Variants in SRGN observed in about 807,000 individuals in gnomAD.
The protein encoded by SRGN is hematopoetic proteoglycan core peptide.
A neutral mutation model predicts 9.5 loss-of-function variants in SRGN; 2 were observed. The observed-to-expected ratio is 0.21, with a 90% CI of 0.09 to 0.66. SRGN has a LOEUF of 0.66. Ranked by LOEUF, SRGN falls within the 30% of genes least tolerant of loss-of-function variation. The pLI is 0.83. For synonymous variants in SRGN, 59 were observed against 72.3 expected (o/e 0.82, Z 0.93); for missense variants, 170 against 192.4 (o/e 0.88, Z 0.69).
chr10:69,089,166 C>A (rs138622429), intron 1 of SRGN, among the ~76,000 whole-genome samples: 1 of 152,094 alleles, frequency 6.6e-6, no homozygotes, highest in Non-Finnish European at 1.5e-5. Flanking sequence ...ATCTTACTTC[C>A]GGTGGAGATG....
chr10:69,094,186 A>T (rs1263179465), intron 1 of SRGN, among the ~76,000 whole-genome samples: 1 of 152,226 alleles, frequency 6.6e-6, no homozygotes, highest in Non-Finnish European at 1.5e-5. Context: ...GCAGACATTG[A>T]AAGGTCATTT....
At position 69,088,211 on chromosome 10, in the gene SRGN, C is replaced by T. The variant is rs779215732; in HGVS notation, c.54C>T (p.Ile18=). ...CSRLVLALAL[I]LVLESSVQGY... is the part of the protein sequence containing the mutation. ...GGCTTGTCCTGGCTCTTGCCCTCAT[C>T]CTGGTTCTGGAATCCTCAGTTCAAG... Residue 18 remains isoleucine (I), a synonymous_variant, in exon 1 of 3, where the codon ATC becomes ATT. Transcript: ENST00000242465. 4 of 1,614,048 alleles carry T rather than the reference C, an allele frequency of 2.5e-6. No homozygotes were observed. The highest frequency in any genetic ancestry group is 3.4e-6 in the Non-Finnish European group (4 of 1,180,032).
At position 69,104,342 on chromosome 10, in the gene SRGN, T is replaced by C; in HGVS notation, c.*222T>C. 7.1e-6 allele frequency: 3 copies of C among 422,598 alleles called. No individual in the cohort carries two copies. The highest frequency in any genetic ancestry group is 1.0e-4 in the East Asian group (2 of 20,016). 26.2% of individuals were successfully genotyped at this position (422,598 alleles called of 1,614,324 possible). On this transcript the variant is annotated 3_prime_UTR_variant, in exon 3 of 3. Coordinates refer to ENST00000242465, the MANE Select transcript of SRGN (RefSeq NM_002727.4). ...TCTTGAAAATACCTGCATTTTTTGG[T>C]ATCATGTTCAACCAACATCATTATG... is the stretch of plus-strand genomic sequence containing the variant.
At chr10:69,102,174 T>G (rs142129644) in intron 2 of SRGN, among the ~76,000 whole-genome samples, 1 of 152,160 alleles carries the variant, frequency 6.6e-6, no homozygotes, top group African/African-American at 2.4e-5. Context: ...GTATTTAACA[T>G]GTTGGTGTGA....
intron 2 of SRGN, among the ~76,000 whole-genome samples, chr10:69,103,159 C>T (rs1293764009): frequency 1.3e-5 from 2 of 152,058 alleles, no homozygotes; most frequent in East Asian, 1.9e-4. Context: ...AGGCTGGTTT[C>T]GAACTCCTGA....
At chr10:69,091,913 A>AT in intron 1 of SRGN, among the ~76,000 whole-genome samples, 1 of 79,162 alleles carries the variant, frequency 1.3e-5, no homozygotes, top group African/African-American at 3.2e-5. Flanking sequence ...AAAAAAGAAA[A>AT]AGAAAAGAAA....
intron 1 of SRGN, among the ~76,000 whole-genome samples, chr10:69,089,261 AAAGAGCAAGT>A (rs1161998354): frequency 7.2e-5 from 11 of 152,240 alleles, no homozygotes; most frequent in Non-Finnish European, 1.5e-4. Context: ...AATGCTGAAA[AAAGAGCAAGT>A]AATGTTTCTG....
chr10:69,088,082 A>T, upstream of SRGN: 1 of 1,271,328 alleles, frequency 7.9e-7, no homozygotes, highest in Non-Finnish European at 1.1e-6. Context: ...ATTTTCTAAA[A>T]GGGACAGAGA....
At chr10:69,088,715 C>T (rs1589324283) in intron 1 of SRGN, among the ~76,000 whole-genome samples, 1 of 143,878 alleles carries the variant, frequency 7.0e-6, no homozygotes, top group Non-Finnish European at 1.5e-5. Context: ...ATTTTCTTTT[C>T]TTTTTTTTTT....
chr10:69,097,282 C>T (rs750854126), intron 2 of SRGN, 51 bp downstream of exon 2: 1 of 1,505,990 alleles, frequency 6.6e-7, no homozygotes, highest in African/African-American at 1.4e-5. Context: ...TTATTTGAGA[C>T]GGAGTTTCAC....
rs113748429 is a variant in SRGN at position 69,102,049 on chromosome 10, T to TA, written c.228-1811dup. 6.5e-4 allele frequency among the ~76,000 whole-genome samples: 95 copies of TA among 146,548 alleles called. 1 individual carries two copies. The South Asian group carries it at 0.011, about 17-fold the overall frequency. On this transcript the variant is annotated intron_variant, in intron 2 of 2. Transcript: ENST00000242465. Reference sequence around the variant, plus strand: ...GCACAACAGAAGGAGGCCCTTTCTGTAAAAAAAAAAATGGTTGACCACTCC... The same window carrying TA: ...GCACAACAGAAGGAGGCCCTTTCTGTAAAAAAAAAAAATGGTTGACCACTCC...
chr10:69,087,990 T>G, upstream of SRGN: 91 of 562,796 alleles, frequency 1.6e-4, no homozygotes, highest in East Asian at 4.2e-4. Flanking sequence ...CCCCCTTTCT[T>G]TCTGGGTTTT....
chr10:69,092,317 T>G (rs1840080545), intron 1 of SRGN, among the ~76,000 whole-genome samples: 1 of 152,240 alleles, frequency 6.6e-6, no homozygotes, highest in Non-Finnish European at 1.5e-5. Context: ...TGAATAGCTA[T>G]GTCAAGAATT....
intron 1 of SRGN, among the ~76,000 whole-genome samples, chr10:69,089,391 G>A (rs1269864386): frequency 4.6e-5 from 7 of 152,104 alleles, no homozygotes; most frequent in East Asian, 1.9e-4. Flanking sequence ...AATAATTCCC[G>A]AATAGCCAAG....
Position 69,104,244 on chromosome 10 carries a change from A to C in SRGN, c.*124A>C, listed in dbSNP as rs1038977108. The C allele has an allele frequency of 1.6e-6, 2 of 1,268,484 alleles. No individual in the cohort carries two copies. The highest frequency in any genetic ancestry group is 2.2e-6 in the Non-Finnish European group (2 of 926,968). The allele number at this position is 1,268,484 out of a possible 1,614,324, so 78.6% of individuals were successfully genotyped here. A position where few individuals can be genotyped will look rare whatever the true frequency, so the allele number is the denominator to read the frequency against. On this transcript the variant is annotated 3_prime_UTR_variant, in exon 3 of 3. Coordinates refer to ENST00000242465, the MANE Select transcript of SRGN (RefSeq NM_002727.4). ...TTTTAAACATCTGAAAAAGAAGCTT[A>C]AGTTTTATCATCCTTTTTTTTCTCA...
rs772707676 is a variant in SRGN at position 69,101,457 on chromosome 10, A to T, written c.228-2414A>T. ...TGTGGCTGGTATCCTTTTCCCATGC[A>T]TCTTCTCCAGGACTTCCATTCTGCA... On this transcript the variant is annotated intron_variant, in intron 2 of 2. Coordinates refer to ENST00000242465, the MANE Select transcript of SRGN (RefSeq NM_002727.4). Among the ~76,000 whole-genome samples, 3 of 152,068 alleles carry T rather than the reference A, an allele frequency of 2.0e-5. No homozygotes were observed. The South Asian group carries it at 6.2e-4, about 32-fold the overall frequency.
chr10:69,101,217 G>A (rs749215758), intron 2 of SRGN, among the ~76,000 whole-genome samples: 10 of 152,060 alleles, frequency 6.6e-5, no homozygotes, highest in African/African-American at 1.4e-4. Context: ...TGCCTGCCTC[G>A]TCCTCCCAAA....
intron 2 of SRGN, among the ~76,000 whole-genome samples, chr10:69,098,294 CATT>C (rs2132158704): frequency 6.6e-6 from 1 of 152,240 alleles, no homozygotes; most frequent in African/African-American, 2.4e-5. Flanking sequence ...ACCTTGGAAA[CATT>C]ATGCAGAGTG....
chr10:69,097,427 A>ATTTTTTTTTTTTTT (rs71035049), intron 2 of SRGN, among the ~76,000 whole-genome samples, 196 bp downstream of exon 2: 1 of 111,412 alleles, frequency 9.0e-6, no homozygotes, highest in Non-Finnish European at 1.8e-5. Flanking sequence ...TGCCCAGCTA[A>ATTTTTTTTTTTTTT]TTTTTTTTTT....
Sources: gnomAD v4.1 joint callset for allele counts (sites outside exome capture counted in the v4.1 genomes callset) on GRCh38, gnomAD v4.1.1 for gene constraint, MANE v1.5 for transcripts, NCBI Gene and HGNC (gene_info 2026-07-23, HGNC 2026-07-21) for gene names.